The following SLC22A23 variants were observed in gnomAD, a reference collection of about 807,000 sequenced individuals.
SLC22A23 encodes the protein solute carrier family 22 member 23.
Under a neutral mutation model 61.0 loss-of-function variants are expected in SLC22A23, and 26 were observed. The observed-to-expected ratio is 0.43, with a 90% confidence interval of 0.31 to 0.59. SLC22A23 has a LOEUF of 0.59. Ranked by LOEUF, SLC22A23 falls within the 20% of genes least tolerant of loss-of-function variation. The pLI is 0.11. For synonymous variants in SLC22A23, 430 were observed against 413.9 expected (o/e 1.04, Z -0.47); for missense variants, 796 against 934.7 (o/e 0.85, Z 1.94).
intron 1 of SLC22A23, among the ~76,000 whole-genome samples, chr6:3,425,664 T>C (rs1452234420): frequency 6.6e-6 from 1 of 152,208 alleles, no homozygotes; most frequent in African/African-American, 2.4e-5. Flanking sequence ...CTAAGATTCA[T>C]TAAGTATCTA....
intron 3 of SLC22A23, among the ~76,000 whole-genome samples, chr6:3,351,261 C>A (rs1309335840): frequency 1.3e-5 from 2 of 152,212 alleles, no homozygotes; most frequent in African/African-American, 4.8e-5. Context: ...AAAAAATCTC[C>A]CTATTAGCAT....
chr6:3,345,367 T>TC (rs1430092815), intron 3 of SLC22A23, among the ~76,000 whole-genome samples: 4 of 147,536 alleles, frequency 2.7e-5, no homozygotes, highest in South Asian at 4.6e-4. Flanking sequence ...TCTTTTCTTT[T>TC]TTTTTTTTTT....
At chr6:3,448,549 A>G (rs1252659160) in intron 1 of SLC22A23, among the ~76,000 whole-genome samples, 1 of 151,968 alleles carries the variant, frequency 6.6e-6, no homozygotes, top group Non-Finnish European at 1.5e-5. Flanking sequence ...CAGTTAGTGC[A>G]GTGTTGTGAT....
At chr6:3,418,187 C>T (rs554384872) in intron 1 of SLC22A23, among the ~76,000 whole-genome samples, 24 of 152,286 alleles carry the variant, frequency 1.6e-4, no homozygotes, top group African/African-American at 5.5e-4. Flanking sequence ...AGGAGAGGAA[C>T]ACATCCCGAC....
intron 3 of SLC22A23, among the ~76,000 whole-genome samples, chr6:3,367,788 C>A (rs551605491): frequency 6.6e-6 from 1 of 152,150 alleles, no homozygotes; most frequent in African/African-American, 2.4e-5. Flanking sequence ...AAAAGAGGAA[C>A]CAGCCTCCAT....
intron 3 of SLC22A23, among the ~76,000 whole-genome samples, chr6:3,340,572 C>T (rs115066795): frequency 0.02 from 3,059 of 152,284 alleles, 53 homozygotes; most frequent in Non-Finnish European, 0.033. Context: ...GACTCGATTT[C>T]TAACCACAGT....
At position 3,270,398 on chromosome 6, in the gene SLC22A23, G is replaced by T. The variant is rs1001352059; in HGVS notation, c.*2657C>A. 1 of 152,386 alleles carries T rather than the reference G, an allele frequency of 6.6e-6. No homozygotes were observed. The highest frequency in any genetic ancestry group is 1.5e-5 in the Non-Finnish European group (1 of 68,072). The allele number at this position is 152,386 out of a possible 1,614,324, so 9.4% of individuals were successfully genotyped here. The stretch of plus-strand genomic sequence containing the variant: ...TTGCTCACTTGGTACCGGATTTCCC[G>T]GGGCTGTGCCCACAGGGAAGTGTTG... On this transcript the variant is annotated 3_prime_UTR_variant, in exon 10 of 10. Coordinates refer to ENST00000406686, the MANE Select transcript of SLC22A23 (RefSeq NM_015482.2).
At chr6:3,345,557 G>T (rs1764387668) in intron 3 of SLC22A23, among the ~76,000 whole-genome samples, 1 of 151,826 alleles carries the variant, frequency 6.6e-6, no homozygotes, top group South Asian at 2.1e-4. Flanking sequence ...TAGAGACAAG[G>T]TTTCACCATG....
intron 3 of SLC22A23, among the ~76,000 whole-genome samples, chr6:3,358,761 A>T (rs1765264592): frequency 1.3e-5 from 2 of 151,722 alleles, no homozygotes; most frequent in Admixed American, 6.5e-5. Context: ...AAAATAAAAT[A>T]AAAAAGGCCC....
rs781526188 is a variant in SLC22A23, at chr6:3,280,512, T to TTTTTTTTTTTTTTTCC, written c.1703+3339_1703+3340insGGAAAAAAAAAAAAAA. ...CAACTTTTTTTTTTTTTTTTTTTTT[T>TTTTTTTTTTTTTTTCC]TGAGATGGAGTCTCGCTCTGTCGCC... On this transcript the variant is annotated intron_variant, in intron 9 of 9. Coordinates refer to ENST00000406686, the MANE Select transcript of SLC22A23 (RefSeq NM_015482.2). Among the ~76,000 whole-genome samples, 80 of 98,318 alleles carry TTTTTTTTTTTTTTTCC rather than the reference T, an allele frequency of 8.1e-4. 6 individuals carry two copies. Among genetic ancestry groups the TTTTTTTTTTTTTTTCC allele is most frequent in the African/African-American group, 2.7e-3 (77 of 28,084 alleles). 64.5% of individuals were successfully genotyped at this position (98,318 alleles called of 152,430 possible).
At chr6:3,443,156 T>G (rs747356251) in intron 1 of SLC22A23, among the ~76,000 whole-genome samples, 1 of 152,218 alleles carries the variant, frequency 6.6e-6, no homozygotes, top group Non-Finnish European at 1.5e-5. Context: ...GAGAAGTTAC[T>G]GAGAAACAAG....
chr6:3,391,375 C>G (rs1002502421), intron 3 of SLC22A23, among the ~76,000 whole-genome samples: 4 of 152,236 alleles, frequency 2.6e-5, no homozygotes, highest in African/African-American at 9.6e-5. Flanking sequence ...AGCAAATTCC[C>G]TCTACTATTC....
intron 3 of SLC22A23, among the ~76,000 whole-genome samples, chr6:3,363,199 G>T (rs1299635790): frequency 6.6e-6 from 1 of 152,246 alleles, no homozygotes; most frequent in Non-Finnish European, 1.5e-5. Context: ...AAAAGCAGTT[G>T]GGTCTCCCCT....
intron 3 of SLC22A23, among the ~76,000 whole-genome samples, chr6:3,403,359 A>AG (rs1294524755): frequency 3.3e-5 from 5 of 151,996 alleles, no homozygotes; most frequent in African/African-American, 1.2e-4. Flanking sequence ...TGGAAAAAAA[A>AG]AAAACTCCCA....
chr6:3,412,623 T>C (rs897577976), intron 2 of SLC22A23, among the ~76,000 whole-genome samples: 9 of 152,176 alleles, frequency 5.9e-5, no homozygotes, highest in Admixed American at 3.3e-4. Context: ...ACAATGGTCC[T>C]CAAATCTGTC....
rs1311957989 is a variant in SLC22A23, at chr6:3,297,979, G to A, written c.1210+112C>T. 5.4e-6 allele frequency: 7 copies of A among 1,299,204 alleles called. No homozygotes were observed. The highest frequency in any genetic ancestry group is 6.1e-6 in the Non-Finnish European group (6 of 988,310). 80.5% of individuals were successfully genotyped at this position (1,299,204 alleles called of 1,614,324 possible). A position where few individuals can be genotyped will look rare whatever the true frequency, so the allele number is the denominator to read the frequency against. ...CCCTTGTGCAGGCCAAAAGGTCACA[G>A]GAGAATTGCACAGCTGGTTAAAACA... On this transcript the variant is annotated intron_variant, in intron 5 of 9. Transcript: ENST00000406686. The surrounding 1 kb of genome is among the most constrained non-coding windows in gnomAD (Gnocchi z 4.3).
intron 1 of SLC22A23, among the ~76,000 whole-genome samples, chr6:3,450,832 T>C (rs903336999): frequency 1.3e-5 from 2 of 152,222 alleles, no homozygotes; most frequent in African/African-American, 2.4e-5. Flanking sequence ...ATCATGGAAT[T>C]GTGGGCTATT....
intron 5 of SLC22A23, chr6:3,291,541 G>A (rs1425943256): frequency 6.6e-6 from 1 of 152,246 alleles, no homozygotes; most frequent in Non-Finnish European, 1.5e-5. Flanking sequence ...ATTGAGGTCT[G>A]TGTGTAAGCC....
chr6:3,301,226 G>A (rs1761580022), intron 4 of SLC22A23, among the ~76,000 whole-genome samples: 4 of 152,058 alleles, frequency 2.6e-5, no homozygotes, highest in Admixed American at 6.5e-5. Context: ...TTTCTGATGC[G>A]TTTGGGTTTA....
Sources: gnomAD v4.1 joint callset for allele counts (sites outside exome capture counted in the v4.1 genomes callset) on GRCh38, gnomAD v4.1.1 for gene constraint, Gnocchi (gnomAD v3.1) non-coding constraint, MANE v1.5 for transcripts, NCBI Gene and HGNC (gene_info 2026-07-23, HGNC 2026-07-21) for gene names.